The following VPS13B variants were observed in gnomAD, a reference collection of about 807,000 sequenced individuals.
VPS13B encodes intermembrane lipid transfer protein VPS13B.
A neutral mutation model predicts 426.4 loss-of-function variants in VPS13B; 285 were observed. That is an observed-to-expected ratio of 0.67 (90% CI 0.61 to 0.74). VPS13B has a LOEUF of 0.74. Among genes scored for constraint, VPS13B ranks in the 30% least tolerant of loss-of-function variants. The pLI is 0.00. For synonymous variants in VPS13B, 1,676 were observed against 1,676.4 expected (o/e 1.00, Z 0.01); for missense variants, 4,537 against 4,782.6 (o/e 0.95, Z 1.51).
chr8:99,835,281 C>T lies in VPS13B; in HGVS notation c.9699C>T (p.His3233=). 3 of 1,613,240 alleles carry T rather than the reference C, an allele frequency of 1.9e-6. No individual in the cohort carries two copies. The highest frequency in any genetic ancestry group is 2.5e-6 in the Non-Finnish European group (3 of 1,179,352). The change falls in exon 53 of 62, where the codon CAC becomes CAT. Residue 3233 remains histidine, a synonymous_variant. Coordinates refer to ENST00000357162, the MANE Select transcript of VPS13B (RefSeq NM_152564.5). ...ACCCTAGTCCTCGAGTAATTATCCA[C>T]AATAGATGTCCAGTAAAAATGCTTA... ...SEDPSPRVII[H]NRCPVKMLIK...
At chr8:99,507,646 G>C in intron 28 of VPS13B, 1 of 1,447,970 alleles carries the variant, frequency 6.9e-7, no homozygotes, top group African/African-American at 1.4e-5. Context: ...CATACCTAGC[G>C]GTTGCTCAAA....
chr8:99,118,221 A>G (rs1292166121), intron 7 of VPS13B, among the ~76,000 whole-genome samples: 1 of 152,296 alleles, frequency 6.6e-6, no homozygotes, highest in African/African-American at 2.4e-5. Flanking sequence ...GGAGTCTTCT[A>G]TTGATATTCT....
chr8:99,074,495 G>A (rs1403743247), intron 3 of VPS13B, among the ~76,000 whole-genome samples: 1 of 149,006 alleles, frequency 6.7e-6, no homozygotes, highest in African/African-American at 2.5e-5. Context: ...GTGAGACAGT[G>A]AGACTCCGTC....
intron 50 of VPS13B, among the ~76,000 whole-genome samples, chr8:99,822,156 A>G (rs1814407031): frequency 6.6e-6 from 1 of 152,198 alleles, no homozygotes; most frequent in African/African-American, 2.4e-5. Flanking sequence ...TTTTTGCTGT[A>G]CTTCTAATAT....
chr8:99,391,718 A>G lies in VPS13B; in HGVS notation c.3082+14A>G, dbSNP rs1373920393. On this transcript the variant is annotated intron_variant, in intron 21 of 61. Transcript: ENST00000357162. ...AAACGGTAACAGGTATGTGTCAAGT[A>G]CTGTAAAGGGACTATGATTGTACTC... 6 of 1,613,632 alleles carry G rather than the reference A, an allele frequency of 3.7e-6. No individual in the cohort carries two copies. The highest frequency in any genetic ancestry group is 4.2e-6 in the Non-Finnish European group (5 of 1,179,730).
chr8:99,481,913 C>A (rs1407482199), intron 25 of VPS13B, 111 bp downstream of exon 25: 1 of 1,303,564 alleles, frequency 7.7e-7, no homozygotes, highest in Non-Finnish European at 1.1e-6. Context: ...CTGATAGATT[C>A]TGAAGGTTCA....
intron 42 of VPS13B, among the ~76,000 whole-genome samples, chr8:99,783,086 A>T (rs933581903): frequency 2.0e-5 from 3 of 152,188 alleles, no homozygotes; most frequent in African/African-American, 7.2e-5. Context: ...GATTAGGAGT[A>T]GATTCTGTTT....
chr8:99,064,816 C>G (rs539258232), intron 3 of VPS13B, among the ~76,000 whole-genome samples: 13 of 152,080 alleles, frequency 8.5e-5, no homozygotes, highest in African/African-American at 2.9e-4. Context: ...TCAGATTCAC[C>G]AAGGTTGAAA....
At chr8:99,840,062 A>G (rs1286616792) in intron 54 of VPS13B, among the ~76,000 whole-genome samples, 1 of 152,204 alleles carries the variant, frequency 6.6e-6, no homozygotes, top group Non-Finnish European at 1.5e-5. Context: ...TTCCACACCC[A>G]TCACCACAGT....
At chr8:99,775,271 T>C (rs1811683657) in intron 40 of VPS13B, among the ~76,000 whole-genome samples, 1 of 152,320 alleles carries the variant, frequency 6.6e-6, no homozygotes, top group Admixed American at 6.5e-5. Context: ...GTGCTTCCTG[T>C]CATAGTTCTC....
At chr8:99,378,447 G>A (rs1813617804) in intron 19 of VPS13B, among the ~76,000 whole-genome samples, 1 of 152,106 alleles carries the variant, frequency 6.6e-6, no homozygotes, top group South Asian at 2.1e-4. Context: ...TGAAGATGAT[G>A]GGATTAAGAG....
intron 35 of VPS13B, among the ~76,000 whole-genome samples, chr8:99,695,672 C>G (rs1831941854): frequency 7.7e-6 from 1 of 130,578 alleles, no homozygotes; most frequent in Admixed American, 8.1e-5. Flanking sequence ...ACAATGTGCA[C>G]ATGTACCCTA....
intron 34 of VPS13B, among the ~76,000 whole-genome samples, chr8:99,647,729 G>A (rs1829647533): frequency 6.6e-6 from 1 of 151,910 alleles, no homozygotes; most frequent in Non-Finnish European, 1.5e-5. Flanking sequence ...TCAGGCACAG[G>A]GGACCTACAC....
rs947926669 is a variant in VPS13B at position 99,859,485 on chromosome 8, CG to C, written c.11044+8del. On this transcript the variant is annotated splice_donor_region_variant and intron_variant, in intron 57 of 61. Coordinates refer to ENST00000357162, the MANE Select transcript of VPS13B (RefSeq NM_152564.5). ...TTGTAAAGCACATCTCCAAAGGTAGCGGGTTCCGTTCCTTGTAATAATGCCT... is the reference window on the plus strand; with the variant it reads ...TTGTAAAGCACATCTCCAAAGGTAGCGGTTCCGTTCCTTGTAATAATGCCT... 9 of 1,611,384 alleles carry C rather than the reference CG, an allele frequency of 5.6e-6. No homozygotes were observed. The highest frequency in any genetic ancestry group is 2.7e-5 in the African/African-American group (2 of 74,528).
intron 14 of VPS13B, among the ~76,000 whole-genome samples, chr8:99,149,801 G>A (rs577263580): frequency 7.2e-5 from 11 of 152,180 alleles, no homozygotes; most frequent in South Asian, 6.2e-4. Flanking sequence ...TGAGATCAGC[G>A]ATGGCATTAG....
At chr8:99,559,039 G>T (rs1209871898) in intron 31 of VPS13B, among the ~76,000 whole-genome samples, 1 of 152,164 alleles carries the variant, frequency 6.6e-6, no homozygotes, top group African/African-American at 2.4e-5. Context: ...GTGTAAAAGT[G>T]TTCCTATTTC....
chr8:99,170,317 C>A (rs1812256719), intron 16 of VPS13B, among the ~76,000 whole-genome samples, 154 bp downstream of exon 16: 1 of 151,856 alleles, frequency 6.6e-6, no homozygotes, highest in African/African-American at 2.4e-5. Flanking sequence ...CACTAAAAGT[C>A]TTTTTTAAGT....
intron 33 of VPS13B, among the ~76,000 whole-genome samples, chr8:99,639,985 G>GTAATAATAA (rs58877812): frequency 4.9e-5 from 4 of 81,232 alleles, no homozygotes; most frequent in Non-Finnish European, 6.7e-5. Context: ...TTTAAAAATA[G>GTAATAATAA]TAATAATAAT....
At chr8:99,874,706 G>A (rs774467229) in intron 61 of VPS13B, among the ~76,000 whole-genome samples, 7 of 151,900 alleles carry the variant, frequency 4.6e-5, no homozygotes, top group Non-Finnish European at 7.4e-5. Flanking sequence ...TTTGATGAGC[G>A]CTTTCTCAGA....
Sources: gnomAD v4.1 joint callset for allele counts (sites outside exome capture counted in the v4.1 genomes callset) on GRCh38, gnomAD v4.1.1 for gene constraint, MANE v1.5 for transcripts, NCBI Gene and HGNC (gene_info 2026-07-23, HGNC 2026-07-21) for gene names.